The following CD247 variants were observed in gnomAD, a reference collection of about 807,000 sequenced individuals.
The protein encoded by CD247 is T-cell surface glycoprotein CD3 zeta chain.
In CD247, 13 loss-of-function variants were observed where a neutral mutation model predicts 30.0. The ratio of observed to expected loss-of-function variants is 0.43; its 90% CI spans 0.28 to 0.69. The LOEUF (loss-of-function observed/expected upper bound fraction) is 0.69, where lower values mean the gene tolerates loss of function less well. Ranked by LOEUF, CD247 falls within the 30% of genes least tolerant of loss-of-function variation. The pLI, the probability that CD247 is intolerant of heterozygous loss-of-function variation, is 0.16. For synonymous variants in CD247, 72 were observed against 80.0 expected, an observed-to-expected ratio of 0.90 and a Z score of 0.53; for missense variants, 193 against 212.6, an observed-to-expected ratio of 0.91 and a Z score of 0.57.
intron 1 of CD247, among the ~76,000 whole-genome samples, chr1:167,517,882 C>A (rs151125660): frequency 1.3e-5 from 2 of 152,324 alleles, no homozygotes; most frequent in South Asian, 4.1e-4. Context: ...TTGGTTACCC[C>A]ACTTACTCCC....
intron 1 of CD247, among the ~76,000 whole-genome samples, chr1:167,447,112 A>G (rs1180535699): frequency 6.6e-6 from 1 of 152,250 alleles, no homozygotes; most frequent in South Asian, 2.1e-4. Context: ...GATGTAACAC[A>G]TGCATGAAGC....
chr1:167,513,647 G>A (rs1019751429), intron 1 of CD247, among the ~76,000 whole-genome samples: 2 of 152,060 alleles, frequency 1.3e-5, no homozygotes, highest in Non-Finnish European at 2.9e-5. Context: ...CCTTTCATTA[G>A]TTTATTTTTA....
chr1:167,485,624 G>A (rs986501776), intron 1 of CD247, among the ~76,000 whole-genome samples: 6 of 152,086 alleles, frequency 3.9e-5, no homozygotes, highest in Admixed American at 6.5e-5. Flanking sequence ...CATGCTGGCT[G>A]GCGTGCTAGG....
Position 167,500,806 on chromosome 1 carries a change from T to C in CD247, c.58+17602A>G, listed in dbSNP as rs145587003. Among the ~76,000 whole-genome samples the C allele has an allele frequency of 4.9e-4, 75 of 152,314 alleles. No individual in the cohort carries two copies. The East Asian group carries it at 0.013, about 27-fold the overall frequency. On this transcript the variant is annotated intron_variant, in intron 1 of 7. Transcript: ENST00000362089. The stretch of plus-strand genomic sequence containing the variant: ...ACTCTAGTAAGAGGGTTATCGGCCT[T>C]GAGGATACCCCCCAAGAAATGTTTG...
At chr1:167,479,964 C>T (rs1050903559) in intron 1 of CD247, among the ~76,000 whole-genome samples, 10 of 152,192 alleles carry the variant, frequency 6.6e-5, no homozygotes, top group Admixed American at 1.3e-4. Flanking sequence ...GCCTCATATG[C>T]CCCAGACCAA....
intron 1 of CD247, chr1:167,458,335 G>C (rs1250355488): frequency 2.5e-4 from 38 of 152,462 alleles, no homozygotes; most frequent in Admixed American, 2.4e-3. Context: ...TTTCTCACAG[G>C]TCTTTCTCAG....
intron 1 of CD247, among the ~76,000 whole-genome samples, chr1:167,507,996 C>T (rs1475334020): frequency 6.6e-6 from 1 of 152,172 alleles, no homozygotes; most frequent in Non-Finnish European, 1.5e-5. Context: ...TTTGTGTTTA[C>T]AGCCATAGCT....
chr1:167,475,481 C>T (rs1653708481), intron 1 of CD247, among the ~76,000 whole-genome samples: 1 of 152,026 alleles, frequency 6.6e-6, no homozygotes, highest in Admixed American at 6.6e-5. Flanking sequence ...TAGAAATATT[C>T]CAGCAAACAA....
Position 167,514,433 on chromosome 1 carries a change from G to A in CD247, c.58+3975C>T, listed in dbSNP as rs921262137. Among the ~76,000 whole-genome samples the A allele has an allele frequency of 2.3e-4, 35 of 152,122 alleles. 2 individuals are homozygous for A. The highest frequency in any genetic ancestry group is 6.5e-5 in the Admixed American group (1 of 15,268). On this transcript the variant is annotated intron_variant, in intron 1 of 7. Coordinates refer to ENST00000362089, the MANE Select transcript of CD247 (RefSeq NM_198053.3). ...TCAACAATTCTTATTGATAATTATT[G>A]CACATTGACTCTGCTCCAGGTACCA...
chr1:167,432,105 G>A (rs542896556), intron 7 of CD247, among the ~76,000 whole-genome samples: 9 of 36,610 alleles, frequency 2.5e-4, no homozygotes, highest in South Asian at 6.2e-4. Flanking sequence ...CAGGAATCAG[G>A]GGGGAGGGCC....
intron 3 of CD247, among the ~76,000 whole-genome samples, 173 bp from the exon 4 acceptor site, chr1:167,438,823 T>G (rs1651675154): frequency 6.6e-6 from 1 of 152,000 alleles, no homozygotes. Context: ...AGAGGACATC[T>G]CAGAGAACAC....
chr1:167,470,831 T>C (rs1289266228), intron 1 of CD247, among the ~76,000 whole-genome samples: 1 of 151,778 alleles, frequency 6.6e-6, no homozygotes, highest in Admixed American at 6.6e-5. Context: ...GTCAACATCC[T>C]TGAACACAAA....
At chr1:167,458,186 TG>T (rs1255633227) in intron 1 of CD247, among the ~76,000 whole-genome samples, 1 of 152,234 alleles carries the variant, frequency 6.6e-6, no homozygotes, top group Non-Finnish European at 1.5e-5. Flanking sequence ...GTGTTCAAGC[TG>T]GTCATCAGGA....
chr1:167,482,437 G>A (rs1384852321), intron 1 of CD247, among the ~76,000 whole-genome samples: 1 of 152,180 alleles, frequency 6.6e-6, no homozygotes, highest in Non-Finnish European at 1.5e-5. Context: ...TGGCCTCTGT[G>A]GGGGTGGGGT....
chr1:167,448,847 T>A (rs530562948), intron 1 of CD247, among the ~76,000 whole-genome samples: 26 of 152,170 alleles, frequency 1.7e-4, no homozygotes, highest in South Asian at 1.7e-3. Context: ...GGCCATAGAG[T>A]GAGACTCTGT....
intron 1 of CD247, among the ~76,000 whole-genome samples, chr1:167,489,060 G>C (rs1654330430): frequency 6.6e-6 from 1 of 151,750 alleles, no homozygotes; most frequent in Admixed American, 6.6e-5. Context: ...GCACGTAATG[G>C]ATTTGTGAGG....
rs556136582 is a variant in CD247 at position 167,494,584 on chromosome 1, A to G, written c.58+23824T>C. Among the ~76,000 whole-genome samples, 11 of 152,120 alleles carry G rather than the reference A, an allele frequency of 7.2e-5. No homozygotes were observed. The highest frequency in any genetic ancestry group is 3.9e-4 in the Admixed American group (6 of 15,280). ...GGGGAGGTAATAATTAGTGAACAGC[A>G]CCATTCAAAGCTACAGTGGTCTTAT... On this transcript the variant is annotated intron_variant, in intron 1 of 7. Transcript: ENST00000362089. The surrounding 1 kb of genome is among the most constrained non-coding windows in gnomAD (Gnocchi z 7.3).
intron 1 of CD247, among the ~76,000 whole-genome samples, chr1:167,490,161 G>C (rs1041157900): frequency 6.6e-6 from 1 of 152,220 alleles, no homozygotes; most frequent in Non-Finnish European, 1.5e-5. Context: ...GCGGCGGAAA[G>C]ATCGGGTGCA....
chr1:167,461,415 A>G (rs1653001588), intron 1 of CD247, among the ~76,000 whole-genome samples: 2 of 152,246 alleles, frequency 1.3e-5, no homozygotes, highest in Admixed American at 6.5e-5. Context: ...CACTGTAGAA[A>G]AGAGACTGGA....
Sources: allele counts gnomAD v4.1 joint callset (sites outside exome capture counted in the v4.1 genomes callset), GRCh38; gene constraint gnomAD v4.1.1; non-coding constraint Gnocchi (gnomAD v3.1); transcripts MANE v1.5; gene names NCBI Gene and HGNC (gene_info 2026-07-23, HGNC 2026-07-21).